Variants in SLIT3 observed in about 807,000 individuals in gnomAD.
SLIT3 encodes slit homolog 3 protein.
SLIT3 carries 68 observed loss-of-function variants against 184.0 expected under a neutral mutation model. The ratio of observed to expected loss-of-function variants is 0.37; its 90% CI spans 0.30 to 0.45. The LOEUF is 0.45. SLIT3 is among the 20% of genes least tolerant of loss of function. The pLI, the probability that SLIT3 is intolerant of heterozygous loss-of-function variation, is 1.00. For missense variants in SLIT3, 1,707 were observed against 2,026.0 expected, an observed-to-expected ratio of 0.84 and a Z score of 3.02; for synonymous variants, 831 against 828.6, an observed-to-expected ratio of 1.00 and a Z score of -0.05.
chr5:168,802,066 C>T (rs568260165), intron 9 of SLIT3, among the ~76,000 whole-genome samples: 2 of 149,598 alleles, frequency 1.3e-5, no homozygotes, highest in South Asian at 2.1e-4. Flanking sequence ...GAGCTTAACA[C>T]AGTACCAAGC....
chr5:169,114,913 G>T (rs1760596980), intron 4 of SLIT3, among the ~76,000 whole-genome samples: 2 of 152,194 alleles, frequency 1.3e-5, no homozygotes, highest in Admixed American at 1.3e-4. Flanking sequence ...TCCCAATTAG[G>T]CAGTTAGAGA....
intron 11 of SLIT3, among the ~76,000 whole-genome samples, chr5:168,789,202 G>C (rs1316704752): frequency 7.3e-6 from 1 of 136,572 alleles, no homozygotes; most frequent in African/African-American, 2.7e-5. Flanking sequence ...TAATAAACAC[G>C]CATCACCATC....
At chr5:168,687,411 G>A (rs1761779586) in intron 29 of SLIT3, among the ~76,000 whole-genome samples, 1 of 152,180 alleles carries the variant, frequency 6.6e-6, no homozygotes, top group African/African-American at 2.4e-5. Flanking sequence ...ATTCAGTTTG[G>A]TCCTTCCTTT....
At chr5:169,092,733 G>C (rs909903374) in intron 4 of SLIT3, among the ~76,000 whole-genome samples, 2 of 152,200 alleles carry the variant, frequency 1.3e-5, no homozygotes, top group Admixed American at 6.5e-5. Flanking sequence ...AGCACCAGTG[G>C]TGGCAGTGCC....
Position 168,760,950 on chromosome 5 carries a change from A to C in SLIT3, c.1611-14T>G. ...TCATTCAGTCGCCTGTGTAGGAAGC[A>C]AGATGAGTGGTAGGTTAGCTGTGGA... On this transcript the variant is annotated splice_polypyrimidine_tract_variant and intron_variant, in intron 15 of 35. Coordinates refer to ENST00000519560, the MANE Select transcript of SLIT3 (RefSeq NM_003062.4). The C allele has an allele frequency of 6.2e-7, 1 of 1,605,464 alleles. No homozygotes were observed. The highest frequency in any genetic ancestry group is 1.3e-5 in the African/African-American group (1 of 74,846).
intron 3 of SLIT3, among the ~76,000 whole-genome samples, chr5:169,232,962 G>A (rs531428783): frequency 5.5e-4 from 84 of 152,236 alleles, no homozygotes; most frequent in Middle Eastern, 3.4e-3. Context: ...AGTAATGTCT[G>A]TCTTTCTGTG....
intron 12 of SLIT3, among the ~76,000 whole-genome samples, chr5:168,776,126 C>T (rs976601445): frequency 3.9e-5 from 6 of 152,222 alleles, no homozygotes; most frequent in Non-Finnish European, 7.3e-5. Flanking sequence ...CCGGGCTGGC[C>T]TGCCTCAGGA....
intron 4 of SLIT3, among the ~76,000 whole-genome samples, chr5:169,040,566 C>T (rs1000237411): frequency 5.9e-5 from 9 of 152,286 alleles, no homozygotes; most frequent in Admixed American, 2.0e-4. Flanking sequence ...GGGAGACAGA[C>T]GGATGAATAT....
chr5:168,757,907 T>C (rs899000574), intron 16 of SLIT3, among the ~76,000 whole-genome samples: 6 of 152,348 alleles, frequency 3.9e-5, no homozygotes, highest in East Asian at 3.9e-4. Context: ...ATTTCTATTA[T>C]GTAAATGATG....
At chr5:168,974,074 C>T (rs1462903712) in intron 4 of SLIT3, among the ~76,000 whole-genome samples, 1 of 152,222 alleles carries the variant, frequency 6.6e-6, no homozygotes, top group Non-Finnish European at 1.5e-5. Flanking sequence ...CTCTCTCTCT[C>T]TCCACCTACC....
At position 168,863,518 on chromosome 5, in the gene SLIT3, C is replaced by A. The variant is rs186622906; in HGVS notation, c.486-18863G>T. 2.7e-4 allele frequency among the ~76,000 whole-genome samples: 41 copies of A among 152,294 alleles called. 1 individual carries two copies. The highest frequency in any genetic ancestry group is 7.2e-4 in the Admixed American group (11 of 15,292). Reference sequence around the variant, plus strand: ...ATTCCCCTCATTCAAAACTGACAGCCACAGCCATGGGTCAATGTGGTTGTA... The same window carrying A: ...ATTCCCCTCATTCAAAACTGACAGCAACAGCCATGGGTCAATGTGGTTGTA... On this transcript the variant is annotated intron_variant, in intron 5 of 35. Transcript: ENST00000519560.
At chr5:169,111,281 C>A (rs1760399404) in intron 4 of SLIT3, among the ~76,000 whole-genome samples, 1 of 152,212 alleles carries the variant, frequency 6.6e-6, no homozygotes, top group Non-Finnish European at 1.5e-5. Flanking sequence ...TTTGTTACAG[C>A]AGCTTTAGGG....
chr5:168,984,835 G>A (rs6899152), intron 4 of SLIT3, among the ~76,000 whole-genome samples: 9,578 of 152,142 alleles, frequency 0.063, 402 homozygotes, highest in African/African-American at 0.12. Flanking sequence ...ATCAACCCAG[G>A]CTGCTTGTTA....
chr5:168,730,729 G>A (rs1250819266), intron 20 of SLIT3, among the ~76,000 whole-genome samples: 1 of 151,902 alleles, frequency 6.6e-6, no homozygotes, highest in African/African-American at 2.4e-5. Context: ...CAAAAGCAGT[G>A]CTAAGAGGGA....
rs370582299 is a variant in SLIT3, at chr5:168,696,482, G to T, written c.2943-51C>A. The T allele has an allele frequency of 1.6e-5, 25 of 1,607,848 alleles. No individual in the cohort carries two copies. The African/African-American group carries it at 3.2e-4, about 21-fold the overall frequency. On this transcript the variant is annotated intron_variant, in intron 27 of 35. Transcript: ENST00000519560. ...AGGGGAGTCAGGGGTCAGGGAGAGA[G>T]GTGGGTTGGGATGGCAGAGAGGAAG...
intron 8 of SLIT3, 23 bp downstream of exon 8, chr5:168,817,277 G>T (rs1561948991): frequency 1.2e-6 from 2 of 1,612,624 alleles, no homozygotes; most frequent in Non-Finnish European, 1.7e-6. Context: ...CACAGGAGGG[G>T]AGAGCAGGTA....
intron 4 of SLIT3, among the ~76,000 whole-genome samples, chr5:169,133,552 C>T (rs540461804): frequency 6.6e-6 from 1 of 152,328 alleles, no homozygotes; most frequent in South Asian, 2.1e-4. Context: ...TCAGGGATCA[C>T]TTTCCTTCTC....
intron 29 of SLIT3, among the ~76,000 whole-genome samples, chr5:168,688,065 C>T (rs527270491): frequency 1.3e-5 from 2 of 152,350 alleles, no homozygotes; most frequent in African/African-American, 4.8e-5. Flanking sequence ...CTCTGGGCTC[C>T]TCTGTCTGGG....
At chr5:169,079,926 G>A (rs1246155000) in intron 4 of SLIT3, among the ~76,000 whole-genome samples, 1 of 149,680 alleles carries the variant, frequency 6.7e-6, no homozygotes, top group African/African-American at 2.5e-5. Flanking sequence ...GAAGAGGAAT[G>A]GCAAAGGGAA....
Sources: gnomAD v4.1 joint callset for allele counts (sites outside exome capture counted in the v4.1 genomes callset) on GRCh38, gnomAD v4.1.1 for gene constraint, MANE v1.5 for transcripts, NCBI Gene and HGNC (gene_info 2026-07-23, HGNC 2026-07-21) for gene names.